Variants in LINC00305 observed in about 807,000 individuals in gnomAD.
LINC00305 encodes long intergenic non-protein coding RNA 305.
At chr18:64,107,586 G>A (rs955372706) in intron 1 of LINC00305, among the ~76,000 whole-genome samples, 2 of 152,204 alleles carry the variant, frequency 1.3e-5, no homozygotes, top group Non-Finnish European at 2.9e-5. Flanking sequence ...AAAGTCCTCT[G>A]CACATGTGTT....
rs17072595 is a variant in LINC00305, at chr18:64,119,980, C to T, written n.315-21340G>A. On this transcript the variant is annotated intron_variant and non_coding_transcript_variant, in intron 1 of 3. Coordinates refer to ENST00000666468, the Ensembl canonical transcript of LINC00305. ...GAAGTAACTAAAAGTTTGGAGAGAACGAACAGCCAATGCCACAAAAAAAAC... is the reference window on the plus strand; with the variant it reads ...GAAGTAACTAAAAGTTTGGAGAGAATGAACAGCCAATGCCACAAAAAAAAC... 9.0e-3 allele frequency among the ~76,000 whole-genome samples: 1,372 copies of T among 152,094 alleles called. 71 individuals are homozygous for T. The highest frequency in any genetic ancestry group is 0.075 in the Admixed American group (1,136 of 15,248).
At chr18:64,120,932 C>G (rs2144258760) in intron 1 of LINC00305, among the ~76,000 whole-genome samples, 1 of 152,164 alleles carries the variant, frequency 6.6e-6, no homozygotes, top group African/African-American at 2.4e-5. Flanking sequence ...TTCTAAATTG[C>G]TAGGAGTGTG....
chr18:64,114,105 T>C (rs1038852995), intron 1 of LINC00305, among the ~76,000 whole-genome samples: 6 of 152,090 alleles, frequency 3.9e-5, no homozygotes, highest in South Asian at 2.1e-4. Context: ...CCGTCTCTAC[T>C]GAAAATACAA....
chr18:64,140,589 C>T (rs187480510), intron 1 of LINC00305, among the ~76,000 whole-genome samples: 70 of 152,238 alleles, frequency 4.6e-4, no homozygotes, highest in East Asian at 9.7e-4. Context: ...CTAAAATGAA[C>T]GCTCCTTGAG....
intron 1 of LINC00305, among the ~76,000 whole-genome samples, chr18:64,146,224 C>G (rs1441600206): frequency 6.6e-6 from 1 of 152,068 alleles, no homozygotes; most frequent in Admixed American, 6.6e-5. Flanking sequence ...TAGTATTAGA[C>G]AAATATGTCC....
chr18:64,122,018 T>C (rs2051364241), intron 1 of LINC00305, among the ~76,000 whole-genome samples: 1 of 152,138 alleles, frequency 6.6e-6, no homozygotes, highest in Non-Finnish European at 1.5e-5. Flanking sequence ...TTTTGCCCAC[T>C]TTTTAATGGG....
chr18:64,131,119 C>A (rs1184151379), intron 1 of LINC00305, among the ~76,000 whole-genome samples: 1 of 152,076 alleles, frequency 6.6e-6, no homozygotes, highest in African/African-American at 2.4e-5. Context: ...AGAAGCCCTG[C>A]TACAAAAATG....
intron 1 of LINC00305, among the ~76,000 whole-genome samples, chr18:64,129,152 G>C (rs754900015): frequency 6.6e-6 from 1 of 151,942 alleles, no homozygotes; most frequent in African/African-American, 2.4e-5. Context: ...AAACTAAAAG[G>C]CTCTTGTTTC....
intron 1 of LINC00305, among the ~76,000 whole-genome samples, chr18:64,147,773 G>A (rs2051504894): frequency 6.6e-6 from 1 of 152,152 alleles, no homozygotes. Context: ...GTCTGGGGGA[G>A]GGAGCTGCTT....
intron 1 of LINC00305, among the ~76,000 whole-genome samples, chr18:64,143,772 GTA>G (rs2051482535): frequency 1.1e-5 from 1 of 93,684 alleles, no homozygotes; most frequent in Non-Finnish European, 2.3e-5. Flanking sequence ...CATATTATGC[GTA>G]CATGTATGTA....
intron 1 of LINC00305, among the ~76,000 whole-genome samples, chr18:64,110,034 A>C (rs896369044): frequency 2.0e-5 from 3 of 152,096 alleles, no homozygotes; most frequent in Non-Finnish European, 4.4e-5. Flanking sequence ...GCCCAAGACA[A>C]TTCTTCTTCT....
intron 3 of LINC00305, among the ~76,000 whole-genome samples, chr18:64,083,328 C>T (rs2051191667): frequency 1.3e-5 from 2 of 152,248 alleles, no homozygotes; most frequent in Non-Finnish European, 2.9e-5. Flanking sequence ...CTTCAAAAAC[C>T]TCACCGCGAT....
At chr18:64,137,959 C>A (rs1157242339) in intron 1 of LINC00305, among the ~76,000 whole-genome samples, 1 of 151,900 alleles carries the variant, frequency 6.6e-6, no homozygotes, top group Non-Finnish European at 1.5e-5. Context: ...TAGAGTATTG[C>A]CTGATTTGGA....
At chr18:64,124,270 A>G (rs1303349500) in intron 1 of LINC00305, among the ~76,000 whole-genome samples, 4 of 152,104 alleles carry the variant, frequency 2.6e-5, no homozygotes, top group African/African-American at 9.7e-5. Context: ...GGTTGAATGT[A>G]ATGGCTGAAT....
At chr18:64,105,324 G>A (rs1192677783) in intron 1 of LINC00305, among the ~76,000 whole-genome samples, 1 of 152,010 alleles carries the variant, frequency 6.6e-6, no homozygotes, top group Admixed American at 6.6e-5. Flanking sequence ...AGCCGGACTT[G>A]GTGACACACA....
intron 1 of LINC00305, among the ~76,000 whole-genome samples, chr18:64,116,608 C>A (rs2051338956): frequency 6.6e-6 from 1 of 151,950 alleles, no homozygotes. Context: ...GTGTAATTGA[C>A]AAACATTGTA....
intron 1 of LINC00305, among the ~76,000 whole-genome samples, chr18:64,108,033 G>T (rs1320432137): frequency 1.3e-5 from 2 of 152,182 alleles, no homozygotes; most frequent in African/African-American, 2.4e-5. Flanking sequence ...TTGGTGATTG[G>T]TGTGCTACTG....
intron 1 of LINC00305, among the ~76,000 whole-genome samples, chr18:64,103,480 C>G (rs1184204747): frequency 6.6e-6 from 1 of 152,180 alleles, no homozygotes; most frequent in Admixed American, 6.5e-5. Flanking sequence ...TTGTCTTCAG[C>G]ACTCTCCAGT....
At chr18:64,144,533 A>G (rs1246764495) in intron 1 of LINC00305, among the ~76,000 whole-genome samples, 2 of 151,886 alleles carry the variant, frequency 1.3e-5, no homozygotes, top group East Asian at 3.9e-4. Context: ...TTTGAGACGG[A>G]ATTTTGCTTT....
Sources: gnomAD v4.1 joint callset for allele counts (sites outside exome capture counted in the v4.1 genomes callset) on GRCh38, gnomAD v4.1.1 for gene constraint, MANE v1.5 for transcripts, NCBI Gene and HGNC (gene_info 2026-07-23, HGNC 2026-07-21) for gene names.